The following SLC9A7 variants were observed in gnomAD, a reference collection of about 807,000 sequenced individuals.
The protein encoded by SLC9A7 is solute carrier family 9 member A7.
Under a neutral mutation model 52.6 loss-of-function variants are expected in SLC9A7, and 19 were observed. The observed-to-expected ratio is 0.36, with a 90% CI of 0.25 to 0.53. SLC9A7 has a LOEUF of 0.53. Among genes scored for constraint, SLC9A7 ranks in the 20% least tolerant of loss-of-function variants. The pLI, the probability that SLC9A7 is intolerant of heterozygous loss-of-function variation, is 0.91. For synonymous variants in SLC9A7, 226 were observed against 252.1 expected (o/e 0.90, Z 0.98); for missense variants, 455 against 597.9 (o/e 0.76, Z 2.49).
intron 5 of SLC9A7, among the ~76,000 whole-genome samples, chrX:46,662,925 T>G (rs1383501744): frequency 2.7e-5 from 3 of 112,691 alleles, no homozygotes; most frequent in Non-Finnish European, 3.7e-5. Flanking sequence ...GTTACAGAAC[T>G]TCAAAAAATA....
intron 1 of SLC9A7, among the ~76,000 whole-genome samples, chrX:46,735,160 A>C (rs1945101052): frequency 9.0e-6 from 1 of 111,284 alleles, no homozygotes. Context: ...GGAGGGTCAA[A>C]ATTTACTATC....
Position 46,682,364 on chromosome X carries a change from C to T in SLC9A7, c.497G>A (p.Ser166Asn). 8.3e-7 allele frequency: 1 copy of T among 1,211,751 alleles called. No individual in the cohort carries two copies. Among genetic ancestry groups the T allele is most frequent in the Non-Finnish European group, 1.1e-6 (1 of 895,374 alleles). The stretch of plus-strand genomic sequence containing the variant: ...CCGTAGCATATCATTCTGCTCTACG[C>T]TGTTGATCTTGCCAGGACTGATTTC... Reference protein sequence around the residue: ...KGEISPGKINSVEQNDMLRKV... With the variant: ...KGEISPGKINNVEQNDMLRKV... Residue 166 changes from serine to asparagine, a missense_variant, in exon 2 of 17, where the codon AGC becomes AAC. Around this residue, in one of 3 missense-constraint regions of SLC9A7, gnomAD observed 304 missense variants for 417.8 expected, o/e 0.73. Transcript: ENST00000616978.
At position 46,602,604 on chromosome X, in the gene SLC9A7, G is replaced by A. The variant is rs1942677254; in HGVS notation, c.*4348C>T. The A allele has an allele frequency of 8.9e-6, 1 of 112,450 alleles. No homozygotes were observed. Among genetic ancestry groups the A allele is most frequent in the Non-Finnish European group, 1.9e-5 (1 of 53,328 alleles). 9.3% of individuals were successfully genotyped at this position (112,450 alleles called of 1,213,427 possible). ...GCCAGATGATCCTAATTCACAGCCA[G>A]GGTTGAGAACCTCTGCTCTAGAACA... On this transcript the variant is annotated 3_prime_UTR_variant, in exon 17 of 17. Transcript: ENST00000616978.
chrX:46,663,757 C>T (rs1204966419), intron 5 of SLC9A7, among the ~76,000 whole-genome samples: 3 of 110,013 alleles, frequency 2.7e-5, no homozygotes, highest in Non-Finnish European at 5.7e-5. Flanking sequence ...GTTGGGAGTT[C>T]GAGACCAGCC....
intron 1 of SLC9A7, among the ~76,000 whole-genome samples, chrX:46,690,480 T>C (rs906113474): frequency 8.9e-6 from 1 of 112,059 alleles, no homozygotes; most frequent in Non-Finnish European, 1.9e-5. Context: ...CTTATACATT[T>C]TGGGTTCCTT....
In SLC9A7 at chrX:46,611,724, C is replaced by G. The variant is rs764871409; in HGVS notation, c.1929+1565G>C. Among the ~76,000 whole-genome samples, 270 of 112,402 alleles carry G rather than the reference C, an allele frequency of 2.4e-3. 1 individual carries two copies. Among genetic ancestry groups the G allele is most frequent in the African/African-American group, 8.3e-3 (257 of 30,978 alleles). On this transcript the variant is annotated intron_variant, in intron 16 of 16. Transcript: ENST00000616978. Reference sequence around the variant, plus strand: ...TCCGAGGGCCTAGGGATGACAGACACACAGAGCTCTCTGCAGCAGCGGGTT... The same window carrying G: ...TCCGAGGGCCTAGGGATGACAGACAGACAGAGCTCTCTGCAGCAGCGGGTT...
chrX:46,756,091 C>T (rs2147039051), intron 1 of SLC9A7, among the ~76,000 whole-genome samples: 1 of 111,007 alleles, frequency 9.0e-6, no homozygotes. Flanking sequence ...GCAGAAATTA[C>T]ATTTTAAAAC....
At chrX:46,726,441 C>T (rs1179930688) in intron 1 of SLC9A7, among the ~76,000 whole-genome samples, 1 of 111,498 alleles carries the variant, frequency 9.0e-6, no homozygotes, top group Admixed American at 9.5e-5. Context: ...CCTTCTTCCC[C>T]AGACCATGTG....
intron 7 of SLC9A7, among the ~76,000 whole-genome samples, chrX:46,658,643 G>T (rs1292712161): frequency 1.9e-4 from 21 of 110,519 alleles, no homozygotes; most frequent in African/African-American, 5.9e-4. Flanking sequence ...TAAATTCCTC[G>T]ACACATACAC....
Position 46,738,594 on chromosome X carries a change from A to ACCTCAT in SLC9A7, c.325+20105_325+20110dup, listed in dbSNP as rs755114657. 2.7e-5 allele frequency among the ~76,000 whole-genome samples: 3 copies of ACCTCAT among 111,148 alleles called. No homozygotes were observed. The South Asian group carries it at 1.1e-3, about 42-fold the overall frequency. ...AGACCAGCCTGGCCAACGTGGCAAA[A>ACCTCAT]CCTCATCTCTACTAAAAATACAAAA... On this transcript the variant is annotated intron_variant, in intron 1 of 16. Transcript: ENST00000616978.
chrX:46,632,470 T>C (rs1159236000), intron 13 of SLC9A7, among the ~76,000 whole-genome samples: 4 of 111,161 alleles, frequency 3.6e-5, no homozygotes, highest in Admixed American at 2.9e-4. Context: ...CTAAGTTGGT[T>C]TGGCCACAGC....
chrX:46,646,955 G>A, intron 11 of SLC9A7: 2 of 321,984 alleles, frequency 6.2e-6, no homozygotes. Context: ...CTGTAGAAGG[G>A]ATGATCGGGC....
At chrX:46,633,356 A>T (rs1261766213) in intron 13 of SLC9A7, among the ~76,000 whole-genome samples, 1 of 89,977 alleles carries the variant, frequency 1.1e-5, no homozygotes, top group African/African-American at 4.1e-5. Flanking sequence ...AAAAAAAAAA[A>T]AAAAAAAAAA....
rs57157177 is a variant in SLC9A7 at position 46,730,670 on chromosome X, TTATATATA to T, written c.325+28027_325+28034del. Among the ~76,000 whole-genome samples, 245 of 42,914 alleles carry T rather than the reference TTATATATA, an allele frequency of 5.7e-3. 8 individuals are homozygous for T. Among genetic ancestry groups the T allele is most frequent in the Admixed American group, 8.9e-3 (18 of 2,020 alleles). The allele number at this position is 42,914 out of a possible 115,157, so 37.3% of individuals were successfully genotyped here. On this transcript the variant is annotated intron_variant, in intron 1 of 16. Transcript: ENST00000616978. ...GCGAGACTGTCTCAAAAAAAAAAAA[TTATATATA>T]TATATATATATATATATATATATAT...
intron 1 of SLC9A7, among the ~76,000 whole-genome samples, chrX:46,692,672 G>C (rs188461106): frequency 2.1e-4 from 23 of 111,429 alleles, no homozygotes; most frequent in African/African-American, 7.2e-4. Flanking sequence ...GTAGGTTTAG[G>C]GGGTGTTTGA....
intron 1 of SLC9A7, among the ~76,000 whole-genome samples, chrX:46,696,802 C>A (rs183829357): frequency 8.9e-6 from 1 of 112,251 alleles, no homozygotes; most frequent in Admixed American, 9.4e-5. Context: ...TGAGTTAATA[C>A]TGACAACAAT....
At chrX:46,686,546 C>T (rs907876387) in intron 1 of SLC9A7, among the ~76,000 whole-genome samples, 3 of 111,299 alleles carry the variant, frequency 2.7e-5, no homozygotes, top group Non-Finnish European at 5.7e-5. Context: ...TGCTGGATCT[C>T]GGAGACATCC....
At chrX:46,753,978 T>C (rs2147033597) in intron 1 of SLC9A7, among the ~76,000 whole-genome samples, 1 of 85,326 alleles carries the variant, frequency 1.2e-5, no homozygotes, top group South Asian at 6.6e-4. Flanking sequence ...AGAGTGAGAC[T>C]CTGTCTCAAA....
chrX:46,670,627 C>T (rs757788882), intron 4 of SLC9A7, among the ~76,000 whole-genome samples: 1 of 111,527 alleles, frequency 9.0e-6, no homozygotes, highest in African/African-American at 3.3e-5. Context: ...TAATGAGATT[C>T]TTGATGCCAT....
Sources: allele counts gnomAD v4.1 joint callset (sites outside exome capture counted in the v4.1 genomes callset), GRCh38; gene constraint gnomAD v4.1.1; regional missense constraint gnomAD v4.1.1; transcripts MANE v1.5; gene names NCBI Gene and HGNC (gene_info 2026-07-23, HGNC 2026-07-21).